Variants in PCDHGA12 observed in about 807,000 individuals in gnomAD.
PCDHGA12 encodes protocadherin gamma subfamily A, 12, also known as protocadherin gamma-A12.
In PCDHGA12, 43 loss-of-function variants were observed where a neutral mutation model predicts 61.1. The ratio of observed to expected loss-of-function variants is 0.70; its 90% CI spans 0.55 to 0.91. The LOEUF (loss-of-function observed/expected upper bound fraction) is 0.91. PCDHGA12 is among the 40% of genes least tolerant of loss of function. The probability of loss-of-function intolerance (pLI) is 0.00; values close to 1 mark genes in which losing one functional copy is unlikely to be tolerated. For synonymous variants in PCDHGA12, 520 were observed against 542.9 expected, an observed-to-expected ratio of 0.96 and a Z score of 0.59; for missense variants, 1,236 against 1,227.7, an observed-to-expected ratio of 1.01 and a Z score of -0.10.
At position 141,476,409 on chromosome 5, in the gene PCDHGA12, G is replaced by A. The variant is rs1226666958; in HGVS notation, c.2425-18398G>A. The A allele has an allele frequency of 6.2e-7, 1 of 1,614,154 alleles. No homozygotes were observed. The highest frequency in any genetic ancestry group is 1.7e-5 in the Admixed American group (1 of 60,030). ...GACCGTCTGGATCGAGAGGAGCTGT[G>A]TGGGACACTGCCCTCTTGCACTGTA... is the stretch of plus-strand genomic sequence containing the variant. On this transcript the variant is annotated intron_variant, in intron 1 of 3. Coordinates refer to ENST00000252085, the MANE Select transcript of PCDHGA12 (RefSeq NM_003735.3). The surrounding 1 kb of genome is among the most constrained non-coding windows in gnomAD (Gnocchi z 7.6).
At chr5:141,478,723 A>C in intron 1 of PCDHGA12, 16 of 1,543,220 alleles carry the variant, frequency 1.0e-5, no homozygotes, top group Non-Finnish European at 1.3e-5. Flanking sequence ...GTGGCCTGCC[A>C]GAGTGTGGTT....
intron 1 of PCDHGA12, among the ~76,000 whole-genome samples, chr5:141,481,700 T>C (rs1283509788): frequency 2.0e-5 from 3 of 152,034 alleles, no homozygotes; most frequent in Non-Finnish European, 4.4e-5. Context: ...ACGCCTGTAA[T>C]CCCAGCACTT....
chr5:141,433,328 G>C, intron 1 of PCDHGA12, 145 bp downstream of exon 1: 1 of 724,580 alleles, frequency 1.4e-6, no homozygotes, highest in Non-Finnish European at 2.3e-6. Context: ...GGTGTAACAG[G>C]GACTACAGGT....
intron 1 of PCDHGA12, among the ~76,000 whole-genome samples, chr5:141,436,515 G>A (rs1393437693): frequency 6.6e-6 from 1 of 152,160 alleles, no homozygotes; most frequent in Non-Finnish European, 1.5e-5. Context: ...ATTGTTAACT[G>A]TGTCACCTTT....
At chr5:141,481,919 A>C (rs1488201177) in intron 1 of PCDHGA12, among the ~76,000 whole-genome samples, 1 of 151,214 alleles carries the variant, frequency 6.6e-6, no homozygotes, top group Non-Finnish European at 1.5e-5. Context: ...ATCTCAAAAA[A>C]AAAAAAAAAA....
In PCDHGA12 at chr5:141,431,023, C is replaced by T. The variant is rs374655655; in HGVS notation, c.264C>T (p.Gly88=). 1 of 1,613,748 alleles carries T rather than the reference C, an allele frequency of 6.2e-7. No homozygotes were observed. The change falls in exon 1 of 4, where the codon GGC becomes GGT. Residue 88 remains glycine (G), a synonymous_variant. Coordinates refer to ENST00000252085, the MANE Select transcript of PCDHGA12 (RefSeq NM_003735.3). This position sits in a 1 kb window ranked among gnomAD's most constrained non-coding sequence, Gnocchi z 4.8. The part of the protein sequence containing the change: ...NPRSGSLVTA[G]RIDREELCMG... Reference sequence around the variant, plus strand: ...GCAGCGGCAGCTTGGTCACGGCGGGCAGGATAGACCGGGAGGAGCTCTGTA... The same window carrying T: ...GCAGCGGCAGCTTGGTCACGGCGGGTAGGATAGACCGGGAGGAGCTCTGTA...
At chr5:141,483,009 C>G (rs538900128) in intron 1 of PCDHGA12, among the ~76,000 whole-genome samples, 1 of 152,060 alleles carries the variant, frequency 6.6e-6, no homozygotes, top group South Asian at 2.1e-4. Context: ...TGCTTGAACC[C>G]GGGAGGCAGA....
At chr5:141,504,384 C>G (rs2099837898) in intron 2 of PCDHGA12, among the ~76,000 whole-genome samples, 1 of 152,026 alleles carries the variant, frequency 6.6e-6, no homozygotes, top group South Asian at 2.1e-4. Flanking sequence ...GAGTCGCTGC[C>G]TCACAGAAGC....
At position 141,476,395 on chromosome 5, in the gene PCDHGA12, T is replaced by C. The variant is rs545562470; in HGVS notation, c.2425-18412T>C. 4 of 1,614,020 alleles carry C rather than the reference T, an allele frequency of 2.5e-6. 1 individual carries two copies. In the South Asian group the frequency reaches 4.4e-5, roughly 18 times the overall value. On this transcript the variant is annotated intron_variant, in intron 1 of 3. Transcript: ENST00000252085. This position sits in a 1 kb window ranked among gnomAD's most constrained non-coding sequence, Gnocchi z 7.6. ...AGATGTTTGTGAACGACCGTCTGGATCGAGAGGAGCTGTGTGGGACACTGC... is the reference window on the plus strand; with the variant it reads ...AGATGTTTGTGAACGACCGTCTGGACCGAGAGGAGCTGTGTGGGACACTGC...
rs888457230 is a variant in PCDHGA12, at chr5:141,493,727, C to T, written c.2425-1080C>T. On this transcript the variant is annotated intron_variant, in intron 1 of 3. Transcript: ENST00000252085. This position sits in a 1 kb window ranked among gnomAD's most constrained non-coding sequence, Gnocchi z 4.3. ...TGGAATGCTAGGTTTCTGGGTTCTG[C>T]TCATATCACTGCCACCTGTGAGCCT... Among the ~76,000 whole-genome samples, 2 of 152,184 alleles carry T rather than the reference C, an allele frequency of 1.3e-5. No homozygotes were observed. Among genetic ancestry groups the T allele is most frequent in the Admixed American group, 6.5e-5 (1 of 15,280 alleles).
Position 141,431,697 on chromosome 5 carries a change from G to A in PCDHGA12, c.938G>A (p.Gly313Glu). The A allele has an allele frequency of 6.2e-7, 1 of 1,614,206 alleles. No homozygotes were observed. Among genetic ancestry groups the A allele is most frequent in the South Asian group, 1.1e-5 (1 of 91,084 alleles). The change falls in exon 1 of 4, where the codon GGA (glycine) becomes GAA (glutamate). Residue 313 changes from glycine (G) to glutamate (E), a missense_variant. Transcript: ENST00000252085. This position sits in a 1 kb window ranked among gnomAD's most constrained non-coding sequence, Gnocchi z 4.8. Reference sequence around the variant, plus strand: ...GGGGAGTTGGACCACGAGGAGTCAGGATTCTACCAGATGGAAGTGCAAGCA... The same window carrying A: ...GGGGAGTTGGACCACGAGGAGTCAGAATTCTACCAGATGGAAGTGCAAGCA... ...TIGELDHEESGFYQMEVQAMD... is the reference protein window; with the variant it reads ...TIGELDHEESEFYQMEVQAMD...
chr5:141,465,786 T>G (rs1236517595), intron 1 of PCDHGA12, among the ~76,000 whole-genome samples: 1 of 152,136 alleles, frequency 6.6e-6, no homozygotes, highest in Non-Finnish European at 1.5e-5. Flanking sequence ...ACAGTTTTTT[T>G]TTTTTTAAGA....
At chr5:141,479,964 A>G (rs188553800) in intron 1 of PCDHGA12, among the ~76,000 whole-genome samples, 1 of 152,330 alleles carries the variant, frequency 6.6e-6, no homozygotes, top group East Asian at 1.9e-4. Context: ...AGTTAGTCAA[A>G]TGAGGTTCTA....
chr5:141,500,501 G>T (rs571735791), intron 2 of PCDHGA12, among the ~76,000 whole-genome samples: 6 of 152,176 alleles, frequency 3.9e-5, no homozygotes, highest in Non-Finnish European at 8.8e-5. Context: ...GAGCCACCGC[G>T]CCTGGCCGAG....
At chr5:141,467,178 A>C (rs1344437465) in intron 1 of PCDHGA12, among the ~76,000 whole-genome samples, 1 of 151,604 alleles carries the variant, frequency 6.6e-6, no homozygotes, top group Non-Finnish European at 1.5e-5. Flanking sequence ...TCAGCCTCCC[A>C]AGTAGCTGGG....
Position 141,511,107 on chromosome 5 carries a change from G to A in PCDHGA12, c.2733G>A (p.Arg911=), listed in dbSNP as rs2099883608. 1 of 1,614,220 alleles carries A rather than the reference G, an allele frequency of 6.2e-7. No homozygotes were observed. Among genetic ancestry groups the A allele is most frequent in the Non-Finnish European group, 8.5e-7 (1 of 1,180,020 alleles). Residue 911 remains arginine, a synonymous_variant, in exon 4 of 4, where the codon CGG becomes CGA. Coordinates refer to ENST00000252085, the MANE Select transcript of PCDHGA12 (RefSeq NM_003735.3). Reference sequence around the variant, plus strand: ...CACTGACCAACGCAGCTGGCAAGCGGGATGGCAAGGCCCCAGCAGGTGGCA... The same window carrying A: ...CACTGACCAACGCAGCTGGCAAGCGAGATGGCAAGGCCCCAGCAGGTGGCA... The part of the protein sequence containing the change: ...NATLTNAAGK[R]DGKAPAGGNG...
intron 1 of PCDHGA12, among the ~76,000 whole-genome samples, chr5:141,455,160 G>GTT (rs59530096): frequency 1.3e-4 from 20 of 149,232 alleles, no homozygotes; most frequent in South Asian, 1.1e-3. Flanking sequence ...TAGTTTGTTG[G>GTT]TTTTTTTTTT....
intron 1 of PCDHGA12, among the ~76,000 whole-genome samples, chr5:141,481,913 CAAAAAAAAA>C (rs34114744): frequency 1.1e-5 from 1 of 90,852 alleles, no homozygotes; most frequent in Non-Finnish European, 2.2e-5. Flanking sequence ...AACTCCATCT[CAAAAAAAAA>C]AAAAAAAAAA....
intron 2 of PCDHGA12, among the ~76,000 whole-genome samples, chr5:141,495,389 C>T (rs966648925): frequency 2.0e-5 from 3 of 152,204 alleles, no homozygotes; most frequent in African/African-American, 7.2e-5. Context: ...CTGGGCGGGG[C>T]ATGGAGCAGG....
Sources: gnomAD v4.1 joint callset for allele counts (sites outside exome capture counted in the v4.1 genomes callset) on GRCh38, gnomAD v4.1.1 for gene constraint, Gnocchi (gnomAD v3.1) non-coding constraint, MANE v1.5 for transcripts, NCBI Gene and HGNC (gene_info 2026-07-23, HGNC 2026-07-21) for gene names.